The following GNG7 variants were observed in gnomAD, a reference collection of about 807,000 sequenced individuals.
GNG7 encodes the protein G protein subunit gamma 7.
In GNG7, 1 loss-of-function variant was observed where a neutral mutation model predicts 4.0. The ratio of observed to expected loss-of-function variants is 0.25; its 90% CI spans 0.09 to 1.18. The LOEUF (loss-of-function observed/expected upper bound fraction) is 1.18, where lower values mean the gene tolerates loss of function less well. GNG7 is among the 50% of genes most tolerant of loss of function. The pLI, the probability that GNG7 is intolerant of heterozygous loss-of-function variation, is 0.50. For synonymous variants in GNG7, 34 were observed against 36.9 expected (o/e 0.92, Z 0.29); for missense variants, 86 against 91.9 (o/e 0.94, Z 0.26).
intron 1 of GNG7, among the ~76,000 whole-genome samples, chr19:2,657,329 G>A (rs1379998900): frequency 1.4e-4 from 9 of 65,578 alleles, no homozygotes; most frequent in East Asian, 4.8e-4. Context: ...GCAAGACCCC[G>A]TCTCAATTAA....
At chr19:2,545,910 G>A (rs577925437) in intron 3 of GNG7, among the ~76,000 whole-genome samples, 2 of 152,076 alleles carry the variant, frequency 1.3e-5, no homozygotes, top group South Asian at 2.1e-4. Context: ...AGCCAAAATC[G>A]CGCCACTGCA....
chr19:2,681,545 T>C (rs895221783), intron 1 of GNG7, among the ~76,000 whole-genome samples: 2 of 152,056 alleles, frequency 1.3e-5, no homozygotes, highest in African/African-American at 2.4e-5. Flanking sequence ...CTGGGATCAC[T>C]AGCATTAGCC....
intron 2 of GNG7, among the ~76,000 whole-genome samples, chr19:2,566,376 C>T (rs867410939): frequency 6.6e-6 from 1 of 152,082 alleles, no homozygotes; most frequent in Non-Finnish European, 1.5e-5. Context: ...TTCGGAAGAA[C>T]CCAGCCCTGC....
intron 2 of GNG7, among the ~76,000 whole-genome samples, chr19:2,593,967 A>C (rs1444700992): frequency 6.7e-6 from 1 of 148,588 alleles, no homozygotes; most frequent in African/African-American, 2.5e-5. Context: ...TTCACCCCAA[A>C]CCTTCTCAAA....
chr19:2,592,892 CGAAGGAAGGAAGGAAA>C (rs200053401), intron 2 of GNG7, among the ~76,000 whole-genome samples: 2,435 of 99,342 alleles, frequency 0.025, 82 homozygotes, highest in African/African-American at 0.09. Flanking sequence ...AAGAAGAAAA[CGAAGGAAGGAAGGAAA>C]GAAGGAAGGA....
intron 2 of GNG7, among the ~76,000 whole-genome samples, chr19:2,570,947 G>A (rs1319743873): frequency 2.0e-5 from 3 of 148,748 alleles, no homozygotes; most frequent in South Asian, 4.3e-4. Flanking sequence ...ACATGTGCAC[G>A]CCACCACGCC....
At chr19:2,600,809 A>T (rs992172790) in intron 2 of GNG7, among the ~76,000 whole-genome samples, 1 of 151,820 alleles carries the variant, frequency 6.6e-6, no homozygotes, top group Non-Finnish European at 1.5e-5. Flanking sequence ...GTGGTCCCCC[A>T]CCAAAAGGGT....
rs1444736752 is a variant in GNG7, at chr19:2,593,368, T to C, written c.-77-38180A>G. On this transcript the variant is annotated intron_variant, in intron 2 of 4. Coordinates refer to ENST00000382159, the MANE Select transcript of GNG7 (RefSeq NM_052847.3). Reference sequence around the variant, plus strand: ...TTTATATTTTCAAAGTGAAAAGAAATAGTATTGAGTCAATTTTTGTTTTTT... The same window carrying C: ...TTTATATTTTCAAAGTGAAAAGAAACAGTATTGAGTCAATTTTTGTTTTTT... Among the ~76,000 whole-genome samples, 4 of 152,282 alleles carry C rather than the reference T, an allele frequency of 2.6e-5. 1 individual carries two copies. Among genetic ancestry groups the C allele is most frequent in the South Asian group, 4.1e-4 (2 of 4,832 alleles).
chr19:2,696,711 A>G (rs1913274560), intron 1 of GNG7, among the ~76,000 whole-genome samples: 1 of 152,256 alleles, frequency 6.6e-6, no homozygotes, highest in Non-Finnish European at 1.5e-5. Context: ...CACCAGACAC[A>G]AAAGGCCACA....
intron 1 of GNG7, among the ~76,000 whole-genome samples, chr19:2,686,781 T>C (rs1326151760): frequency 6.7e-6 from 1 of 150,036 alleles, no homozygotes; most frequent in African/African-American, 2.5e-5. Flanking sequence ...AGACAGAGTC[T>C]CGCTCTCTCG....
At chr19:2,558,071 G>A (rs1979621404) in intron 2 of GNG7, among the ~76,000 whole-genome samples, 1 of 151,854 alleles carries the variant, frequency 6.6e-6, no homozygotes. Flanking sequence ...TTGATCTCCT[G>A]ACCTCGTGAT....
At chr19:2,690,081 C>T (rs1327177716) in intron 1 of GNG7, among the ~76,000 whole-genome samples, 4 of 151,604 alleles carry the variant, frequency 2.6e-5, no homozygotes, top group African/African-American at 9.7e-5. Flanking sequence ...ACTTTTTTTT[C>T]CAACCATTTA....
chr19:2,558,050 C>T (rs562068347), intron 2 of GNG7, among the ~76,000 whole-genome samples: 1 of 151,982 alleles, frequency 6.6e-6, no homozygotes, highest in Non-Finnish European at 1.5e-5. Flanking sequence ...ACCGTGTTAG[C>T]CAGGATGGCC....
chr19:2,586,779 GT>G (rs2144796958), intron 2 of GNG7, among the ~76,000 whole-genome samples: 1 of 152,104 alleles, frequency 6.6e-6, no homozygotes, highest in South Asian at 2.1e-4. Flanking sequence ...GAGGTCAGGA[GT>G]TTGAAACCAG....
intron 1 of GNG7, among the ~76,000 whole-genome samples, chr19:2,699,230 C>A (rs915864533): frequency 6.7e-5 from 10 of 149,608 alleles, no homozygotes; most frequent in African/African-American, 2.2e-4. Context: ...CTCACTGCAA[C>A]CTCTGCCTCC....
rs1380300607 is a variant in GNG7 at position 2,511,784 on chromosome 19, G to A, written c.*3238C>T. The A allele has an allele frequency of 6.1e-6, 6 of 985,772 alleles. No homozygotes were observed. Among genetic ancestry groups the A allele is most frequent in the Non-Finnish European group, 7.2e-6 (6 of 829,814 alleles). The allele number at this position is 985,772 out of a possible 1,614,324, so 61.1% of individuals were successfully genotyped here. On this transcript the variant is annotated 3_prime_UTR_variant, in exon 5 of 5. Transcript: ENST00000382159. The surrounding 1 kb of genome is among the most constrained non-coding windows in gnomAD (Gnocchi z 6.3). ...CCTTCCGCCCTGGCCCAGCCGCCCCGTTTATGTCCCCAGAGGCCAGAGGTC... is the reference window on the plus strand; with the variant it reads ...CCTTCCGCCCTGGCCCAGCCGCCCCATTTATGTCCCCAGAGGCCAGAGGTC...
Position 2,513,097 on chromosome 19 carries a change from C to A in GNG7, c.*1925G>T. 1.0e-6 allele frequency: 1 copy of A among 985,566 alleles called. No homozygotes were observed. The highest frequency in any genetic ancestry group is 1.2e-6 in the Non-Finnish European group (1 of 830,052). 61.1% of individuals were successfully genotyped at this position (985,566 alleles called of 1,614,324 possible). On this transcript the variant is annotated 3_prime_UTR_variant, in exon 5 of 5. Coordinates refer to ENST00000382159, the MANE Select transcript of GNG7 (RefSeq NM_052847.3). ...CCGGCTGTGGCCTGTGGGAGCTGCC[C>A]GAGGTTGAGGAGTGGAGGTCACTCC...
At position 2,633,501 on chromosome 19, in the gene GNG7, A is replaced by G. The variant is rs959462253; in HGVS notation, c.-78+12723T>C. On this transcript the variant is annotated intron_variant, in intron 2 of 4. Coordinates refer to ENST00000382159, the MANE Select transcript of GNG7 (RefSeq NM_052847.3). The surrounding 1 kb of genome is among the most constrained non-coding windows in gnomAD (Gnocchi z 5.9). The stretch of plus-strand genomic sequence containing the variant: ...CGCGCGCGCGCGCACACACACACAC[A>G]CACACACACACACACACACACACGA... 9.0e-5 allele frequency among the ~76,000 whole-genome samples: 13 copies of G among 143,656 alleles called. No homozygotes were observed. The highest frequency in any genetic ancestry group is 5.9e-4 in the East Asian group (3 of 5,044). 94.2% of individuals were successfully genotyped at this position (143,656 alleles called of 152,430 possible).
chr19:2,640,534 G>C (rs1216994051), intron 2 of GNG7, among the ~76,000 whole-genome samples: 1 of 152,202 alleles, frequency 6.6e-6, no homozygotes, highest in Non-Finnish European at 1.5e-5. Context: ...GAAAATCCCA[G>C]CACAGGCTTG....
Sources: allele counts gnomAD v4.1 joint callset (sites outside exome capture counted in the v4.1 genomes callset), GRCh38; gene constraint gnomAD v4.1.1; non-coding constraint Gnocchi (gnomAD v3.1); transcripts MANE v1.5; gene names NCBI Gene and HGNC (gene_info 2026-07-23, HGNC 2026-07-21).